The following SOS1 variants were observed in gnomAD, a reference collection of about 807,000 sequenced individuals.
SOS1 encodes son of sevenless homolog 1.
Under a neutral mutation model 157.6 loss-of-function variants are expected in SOS1, and 25 were observed. The observed-to-expected ratio is 0.16, with a 90% confidence interval of 0.12 to 0.22. The LOEUF is 0.22. SOS1 is among the 10% of genes least tolerant of loss of function. The pLI is 1.00. For synonymous variants in SOS1, 528 were observed against 534.0 expected (o/e 0.99, Z 0.16); for missense variants, 1,237 against 1,599.1 (o/e 0.77, Z 3.86).
intron 2 of SOS1, among the ~76,000 whole-genome samples, chr2:39,062,443 AAAAG>A (rs1442200481): frequency 6.7e-5 from 10 of 150,162 alleles, no homozygotes; most frequent in Admixed American, 2.7e-4. Flanking sequence ...ATTAAAAAAA[AAAAG>A]AAAAGAAAAG....
intron 6 of SOS1, among the ~76,000 whole-genome samples, chr2:39,040,377 C>T (rs1372062960): frequency 3.3e-5 from 5 of 152,054 alleles, no homozygotes; most frequent in Non-Finnish European, 7.4e-5. Context: ...GCCATTTTTA[C>T]GTGTACAATT....
At chr2:39,037,267 G>T (rs528813856) in intron 6 of SOS1, among the ~76,000 whole-genome samples, 4 of 152,194 alleles carry the variant, frequency 2.6e-5, no homozygotes, top group Non-Finnish European at 5.9e-5. Flanking sequence ...ACAGTGGACG[G>T]AAGAGAAGAC....
intron 5 of SOS1, 124 bp from the exon 6 acceptor site, chr2:39,051,411 A>G (rs1432792995): frequency 2.2e-5 from 18 of 814,348 alleles, no homozygotes; most frequent in Non-Finnish European, 3.5e-5. Context: ...AAAAATTTTA[A>G]TGACTTAGAA....
intron 10 of SOS1, 58 bp downstream of exon 10, chr2:39,022,512 A>G (rs770014583): frequency 1.5e-6 from 2 of 1,377,480 alleles, no homozygotes; most frequent in Non-Finnish European, 1.0e-6. Context: ...CCCATGCAGG[A>G]AAGAAAATCA....
At chr2:39,049,425 C>T (rs947164412) in intron 6 of SOS1, among the ~76,000 whole-genome samples, 1 of 152,178 alleles carries the variant, frequency 6.6e-6, no homozygotes, top group Non-Finnish European at 1.5e-5. Flanking sequence ...CTGCTCATTT[C>T]CTTTCCACCT....
At chr2:38,987,853 T>A (rs1401320088) in intron 21 of SOS1, 1 of 395,734 alleles carries the variant, frequency 2.5e-6, no homozygotes, top group Non-Finnish European at 4.6e-6. Context: ...ATTCCCATGG[T>A]TACTCTATTA....
intron 6 of SOS1, among the ~76,000 whole-genome samples, chr2:39,047,439 C>T (rs973138387): frequency 6.6e-5 from 10 of 152,146 alleles, no homozygotes; most frequent in Admixed American, 1.3e-4. Context: ...ATACACCAAA[C>T]GGTTTTCCAA....
intron 5 of SOS1, among the ~76,000 whole-genome samples, chr2:39,052,792 T>C (rs1671065782): frequency 6.6e-6 from 1 of 152,208 alleles, no homozygotes; most frequent in Non-Finnish European, 1.5e-5. Flanking sequence ...TTTTCATTTC[T>C]TCTGGGTAAA....
At chr2:39,030,545 G>A (rs1670123520) in intron 8 of SOS1, among the ~76,000 whole-genome samples, 1 of 152,190 alleles carries the variant, frequency 6.6e-6, no homozygotes, top group African/African-American at 2.4e-5. Flanking sequence ...GCTCCAGCCT[G>A]GGTGACAGAG....
chr2:39,122,157 AGGT>A (rs1315102507), upstream of SOS1, among the ~76,000 whole-genome samples: 1 of 152,000 alleles, frequency 6.6e-6, no homozygotes, highest in East Asian at 1.9e-4. Context: ...CGGCCAGGCG[AGGT>A]GGCTCATGCC....
intron 2 of SOS1, among the ~76,000 whole-genome samples, chr2:39,061,400 TG>T (rs369011862): frequency 1.3e-5 from 2 of 152,044 alleles, no homozygotes; most frequent in African/African-American, 2.4e-5. Flanking sequence ...TTATTTATTT[TG>T]GGGGGGAACA....
intron 1 of SOS1, among the ~76,000 whole-genome samples, chr2:39,085,160 C>T (rs1672328819): frequency 6.6e-6 from 1 of 152,190 alleles, no homozygotes; most frequent in Non-Finnish European, 1.5e-5. Context: ...ATTCTCCCAC[C>T]TCAGCCTCCT....
chr2:39,010,755 C>T (rs1392866279), intron 14 of SOS1, 52 bp from the exon 15 acceptor site: 2 of 1,438,318 alleles, frequency 1.4e-6, no homozygotes, highest in East Asian at 4.6e-5. Context: ...CTAATATAGA[C>T]ATTGTTTTAT....
chr2:39,114,234 C>A (rs1202035725), intron 1 of SOS1, among the ~76,000 whole-genome samples: 1 of 151,870 alleles, frequency 6.6e-6, no homozygotes, highest in Non-Finnish European at 1.5e-5. Context: ...TAGCCAGGAC[C>A]ACAGGTGCGT....
At chr2:39,074,760 G>C (rs760544937) in intron 1 of SOS1, among the ~76,000 whole-genome samples, 1 of 151,922 alleles carries the variant, frequency 6.6e-6, no homozygotes, top group African/African-American at 2.4e-5. Flanking sequence ...CCAGCTACTT[G>C]GGAGGCTAAG....
At chr2:39,077,892 T>A (rs1044073345) in intron 1 of SOS1, among the ~76,000 whole-genome samples, 14 of 152,128 alleles carry the variant, frequency 9.2e-5, no homozygotes, top group African/African-American at 3.4e-4. Flanking sequence ...TAACCTGAGT[T>A]AGGAAAGAAT....
intron 19 of SOS1, among the ~76,000 whole-genome samples, chr2:38,995,919 A>C (rs1668875960): frequency 6.6e-6 from 1 of 152,156 alleles, no homozygotes; most frequent in Non-Finnish European, 1.5e-5. Context: ...GCTTCATTGG[A>C]TCAGATTATA....
intron 9 of SOS1, among the ~76,000 whole-genome samples, chr2:39,023,507 G>C (rs941685907): frequency 2.0e-5 from 3 of 151,860 alleles, no homozygotes. Flanking sequence ...TATTTAGAAT[G>C]ACAACTAATA....
intron 8 of SOS1, among the ~76,000 whole-genome samples, chr2:39,030,083 TTG>T (rs1236096831): frequency 1.3e-5 from 2 of 151,914 alleles, no homozygotes; most frequent in Non-Finnish European, 2.9e-5. Flanking sequence ...GAGGAATCAC[TTG>T]AGCCCAGGTG....
Sources: gnomAD v4.1 joint callset for allele counts (sites outside exome capture counted in the v4.1 genomes callset) on GRCh38, gnomAD v4.1.1 for gene constraint, MANE v1.5 for transcripts, NCBI Gene and HGNC (gene_info 2026-07-23, HGNC 2026-07-21) for gene names.